VMP1: variants seen among roughly 807,000 people sequenced by gnomAD.
VMP1 encodes the protein ectopic P-granules autophagy protein 3 homolog.
A neutral mutation model predicts 56.0 loss-of-function variants in VMP1; 11 were observed. That is an observed-to-expected ratio of 0.20 (90% CI 0.12 to 0.32). The LOEUF is 0.32. VMP1 is among the 10% of genes least tolerant of loss of function. The pLI, the probability that VMP1 is intolerant of heterozygous loss-of-function variation, is 1.00. For synonymous variants in VMP1, 149 were observed against 165.0 expected, an observed-to-expected ratio of 0.90 and a Z score of 0.74; for missense variants, 296 against 490.3, an observed-to-expected ratio of 0.60 and a Z score of 3.74.
chr17:59,814,052 C>A (rs1714723470), intron 9 of VMP1, among the ~76,000 whole-genome samples: 2 of 152,140 alleles, frequency 1.3e-5, no homozygotes, highest in South Asian at 4.1e-4. Context: ...GTGATTTCAG[C>A]TCACTGCAAC....
intron 7 of VMP1, among the ~76,000 whole-genome samples, chr17:59,779,010 G>A (rs2036727505): frequency 6.6e-6 from 1 of 152,174 alleles, no homozygotes; most frequent in South Asian, 2.1e-4. Context: ...CCCAACTATG[G>A]GCTAATGTAA....
At chr17:59,755,114 T>A (rs1314447970) in intron 5 of VMP1, among the ~76,000 whole-genome samples, 1 of 151,798 alleles carries the variant, frequency 6.6e-6, no homozygotes, top group Non-Finnish European at 1.5e-5. Context: ...CTTTTTCTTT[T>A]TCTTTTTTTT....
At position 59,801,091 on chromosome 17, in the gene VMP1, A is replaced by ATATAT. The variant is rs1555623872; in HGVS notation, c.715-7705_715-7704insTATAT. ...CAAGACTCCATCTCGAAAAAAAAAAAATATATATATATATATATATATGTG... is the reference window on the plus strand; with the variant it reads ...CAAGACTCCATCTCGAAAAAAAAAAATATATATATATATATATATATATATATGTG... On this transcript the variant is annotated intron_variant, in intron 7 of 11. Coordinates refer to ENST00000262291, the MANE Select transcript of VMP1 (RefSeq NM_030938.5). 8.2e-5 allele frequency among the ~76,000 whole-genome samples: 9 copies of ATATAT among 109,358 alleles called. 1 individual carries two copies. Among genetic ancestry groups the ATATAT allele is most frequent in the African/African-American group, 3.2e-4 (8 of 24,850 alleles). 71.7% of individuals were successfully genotyped at this position (109,358 alleles called of 152,430 possible).
intron 9 of VMP1, among the ~76,000 whole-genome samples, chr17:59,814,716 C>G (rs2038166964): frequency 6.6e-6 from 1 of 152,154 alleles, no homozygotes; most frequent in Non-Finnish European, 1.5e-5. Flanking sequence ...AAAGATAAAG[C>G]TCTTTCCCTG....
intron 5 of VMP1, among the ~76,000 whole-genome samples, chr17:59,747,867 C>T (rs1224615249): frequency 3.3e-5 from 5 of 151,810 alleles, no homozygotes; most frequent in Non-Finnish European, 7.4e-5. Flanking sequence ...TGCACTCCAG[C>T]CTGTGTTACA....
chr17:59,729,152 A>G (rs2034720824), intron 1 of VMP1, among the ~76,000 whole-genome samples: 1 of 152,192 alleles, frequency 6.6e-6, no homozygotes, highest in South Asian at 2.1e-4. Context: ...GGTATACCAT[A>G]TACCGTATTT....
Position 59,712,055 on chromosome 17 carries a change from A to G in VMP1, c.-27+4307A>G, listed in dbSNP as rs574574223. ...TTGCTATCTCAGTTTCCTCCTGGAC[A>G]ATGAAGTCAATACCCTTCTTGTTAG... is the stretch of plus-strand genomic sequence containing the variant. On this transcript the variant is annotated intron_variant, in intron 1 of 11. Transcript: ENST00000262291. Among the ~76,000 whole-genome samples the G allele has an allele frequency of 2.6e-5, 4 of 152,328 alleles. No individual in the cohort carries two copies. In the East Asian group the frequency reaches 7.7e-4, roughly 29 times the overall value.
chr17:59,815,831 G>T (rs1341566010), intron 9 of VMP1, among the ~76,000 whole-genome samples: 1 of 147,680 alleles, frequency 6.8e-6, no homozygotes, highest in African/African-American at 2.5e-5. Context: ...ATTCCAGCCT[G>T]GGCAACAGAG....
intron 11 of VMP1, 67 bp downstream of exon 11, chr17:59,838,464 T>C: frequency 6.6e-7 from 1 of 1,514,824 alleles, no homozygotes; most frequent in Non-Finnish European, 9.1e-7. Flanking sequence ...TTCACAGCTC[T>C]CACTCACATT....
chr17:59,809,796 G>A (rs569814654), intron 8 of VMP1, among the ~76,000 whole-genome samples: 76 of 151,968 alleles, frequency 5.0e-4, no homozygotes, highest in Non-Finnish European at 9.4e-4. Context: ...GTGAGCTACT[G>A]CACCCAGCCC....
chr17:59,817,085 A>G (rs2038265240), intron 9 of VMP1, among the ~76,000 whole-genome samples: 2 of 151,750 alleles, frequency 1.3e-5, no homozygotes, highest in South Asian at 2.1e-4. Context: ...CCTGACCAAC[A>G]TGGAGAAACA....
At chr17:59,827,279 T>G (rs934402966) in intron 10 of VMP1, among the ~76,000 whole-genome samples, 5 of 151,780 alleles carry the variant, frequency 3.3e-5, no homozygotes, top group Admixed American at 3.3e-4. Flanking sequence ...CATGAGCCAC[T>G]GTGTCCTGCC....
chr17:59,808,645 G>A, intron 7 of VMP1, 151 bp from the exon 8 acceptor site: 1 of 610,102 alleles, frequency 1.6e-6, no homozygotes, highest in Non-Finnish European at 2.9e-6. Flanking sequence ...TTTTACTTGT[G>A]TTTCAGTGAA....
chr17:59,753,983 G>C (rs913147855), intron 5 of VMP1, among the ~76,000 whole-genome samples: 1 of 152,080 alleles, frequency 6.6e-6, no homozygotes, highest in Non-Finnish European at 1.5e-5. Flanking sequence ...ATATCTGTGA[G>C]CCATTTTGTT....
chr17:59,801,035 G>A (rs558636938), intron 7 of VMP1, among the ~76,000 whole-genome samples: 77 of 147,104 alleles, frequency 5.2e-4, no homozygotes, highest in African/African-American at 1.8e-3. Context: ...AGCCAAGATC[G>A]TGCCATTGCA....
At chr17:59,799,614 C>T (rs2144163048) in intron 7 of VMP1, among the ~76,000 whole-genome samples, 1 of 152,172 alleles carries the variant, frequency 6.6e-6, no homozygotes, top group Non-Finnish European at 1.5e-5. Flanking sequence ...AGTCTTTATC[C>T]CGTGACCTTA....
rs578238037 is a variant in VMP1, at chr17:59,798,754, C to T, written c.715-10042C>T. ...ATACAAAATTAGCCAGGTGTGGTGG[C>T]GCATGCCTGTAATCCCAGCTACTCG... On this transcript the variant is annotated intron_variant, in intron 7 of 11. Transcript: ENST00000262291. Among the ~76,000 whole-genome samples, 102 of 152,176 alleles carry T rather than the reference C, an allele frequency of 6.7e-4. 1 individual carries two copies. The highest frequency in any genetic ancestry group is 2.3e-3 in the African/African-American group (94 of 41,534).
chr17:59,731,484 T>C lies in VMP1; in HGVS notation c.38T>C (p.Val13Ala). 3.1e-6 allele frequency: 5 copies of C among 1,595,188 alleles called. No individual in the cohort carries two copies. Among genetic ancestry groups the C allele is most frequent in the South Asian group, 1.1e-5 (1 of 87,276 alleles). Reference protein sequence around the residue: ...ENGKNCDQRRVAMNKEHHNGN... With the variant: ...ENGKNCDQRRAAMNKEHHNGN... ...GGAAAAAATTGTGACCAGAGACGTGTAGCAATGAACAAGGAACATCATAAT... is the reference window on the plus strand; with the variant it reads ...GGAAAAAATTGTGACCAGAGACGTGCAGCAATGAACAAGGAACATCATAAT... Residue 13 changes from valine to alanine, a missense_variant, in exon 2 of 12, where the codon GTA becomes GCA. Around this residue, in one of 4 missense-constraint regions of VMP1, gnomAD observed 69 missense variants for 76.6 expected, o/e 0.90. Coordinates refer to ENST00000262291, the MANE Select transcript of VMP1 (RefSeq NM_030938.5).
intron 7 of VMP1, among the ~76,000 whole-genome samples, chr17:59,800,558 C>T (rs1462147729): frequency 6.6e-6 from 1 of 152,176 alleles, no homozygotes; most frequent in Non-Finnish European, 1.5e-5. Flanking sequence ...GAAATCACTT[C>T]AGCTCCAAAT....
Sources: allele counts gnomAD v4.1 joint callset (sites outside exome capture counted in the v4.1 genomes callset), GRCh38; gene constraint gnomAD v4.1.1; regional missense constraint gnomAD v4.1.1; transcripts MANE v1.5; gene names NCBI Gene and HGNC (gene_info 2026-07-23, HGNC 2026-07-21).